MMS22L: variants seen among roughly 807,000 people sequenced by gnomAD.
MMS22L encodes MMS22 like, DNA repair protein.
MMS22L carries 74 observed loss-of-function variants against 159.1 expected under a neutral mutation model. The observed-to-expected ratio is 0.47, with a 90% CI of 0.39 to 0.56. The LOEUF (loss-of-function observed/expected upper bound fraction) is 0.56. Ranked by LOEUF, MMS22L falls within the 20% of genes least tolerant of loss-of-function variation. The probability of loss-of-function intolerance (pLI) is 0.00; values close to 1 mark genes in which losing one functional copy is unlikely to be tolerated. For missense variants in MMS22L, 1,351 were observed against 1,422.1 expected (o/e 0.95, Z 0.80); for synonymous variants, 517 against 506.9 (o/e 1.02, Z -0.27).
At chr6:97,236,200 G>A (rs1184331198) in intron 11 of MMS22L, among the ~76,000 whole-genome samples, 2 of 151,642 alleles carry the variant, frequency 1.3e-5, no homozygotes, top group Non-Finnish European at 2.9e-5. Context: ...GAGATGGCAG[G>A]CACCTATAAT....
chr6:97,165,333 C>T lies in MMS22L; in HGVS notation c.3134G>A (p.Gly1045Glu). ...CAATGCCAGCAAAACAGGATGTTGT[C>T]CAAGATCTGAAACATATGGTGAAGC... The part of the protein sequence containing the change: ...LPASPYVSDL[G>E]QHPVLLALRN... Residue 1045 changes from glycine (G) to glutamate (E), a missense_variant, in exon 21 of 25, where the codon GGA becomes GAA. Gly to Glu is a moderately conservative substitution (Grantham distance 98, BLOSUM62 -2). Coordinates refer to ENST00000683635, the MANE Select transcript of MMS22L (RefSeq NM_001350599.2). 2 of 1,613,282 alleles carry T rather than the reference C, an allele frequency of 1.2e-6. No individual in the cohort carries two copies. Among genetic ancestry groups the T allele is most frequent in the Non-Finnish European group, 1.7e-6 (2 of 1,179,600 alleles).
chr6:97,195,913 G>A (rs1399337498), intron 14 of MMS22L, among the ~76,000 whole-genome samples: 1 of 152,170 alleles, frequency 6.6e-6, no homozygotes, highest in African/African-American at 2.4e-5. Flanking sequence ...CATTTTGTGA[G>A]GGAAAGGAAG....
intron 14 of MMS22L, among the ~76,000 whole-genome samples, chr6:97,218,547 A>C (rs1809275419): frequency 6.6e-6 from 1 of 152,174 alleles, no homozygotes; most frequent in Admixed American, 6.5e-5. Flanking sequence ...AGTGCCTACT[A>C]TCATAGTAGG....
chr6:97,277,949 G>A (rs1484797072), intron 4 of MMS22L, among the ~76,000 whole-genome samples: 3 of 152,104 alleles, frequency 2.0e-5, no homozygotes, highest in African/African-American at 4.8e-5. Context: ...CACTTAACAC[G>A]CTCAACAAAG....
chr6:97,210,426 T>C (rs1054423133), intron 14 of MMS22L, among the ~76,000 whole-genome samples: 4 of 151,830 alleles, frequency 2.6e-5, no homozygotes, highest in African/African-American at 9.7e-5. Context: ...ATAAATGCCA[T>C]AAAAAACAGT....
At chr6:97,192,673 A>C (rs1167996888) in intron 14 of MMS22L, among the ~76,000 whole-genome samples, 2 of 152,242 alleles carry the variant, frequency 1.3e-5, no homozygotes, top group East Asian at 3.8e-4. Context: ...TATTTTGCCA[A>C]TTAGCAGTTG....
chr6:97,151,713 G>A lies in MMS22L; in HGVS notation c.3482+58C>T, dbSNP rs1801334343. On this transcript the variant is annotated intron_variant, in intron 23 of 24. Coordinates refer to ENST00000683635, the MANE Select transcript of MMS22L (RefSeq NM_001350599.2). ...GGATAATTAGTTATTTAAAAAACAT[G>A]TTGGCTGTCAAATGGCTGGCAATAG... is the stretch of plus-strand genomic sequence containing the variant. 5 of 1,294,426 alleles carry A rather than the reference G, an allele frequency of 3.9e-6. No homozygotes were observed. In the African/African-American group the frequency reaches 5.9e-5, roughly 15 times the overall value. The allele number at this position is 1,294,426 out of a possible 1,614,324, so 80.2% of individuals were successfully genotyped here.
At chr6:97,253,276 A>G (rs1002252139) in intron 10 of MMS22L, among the ~76,000 whole-genome samples, 7 of 151,724 alleles carry the variant, frequency 4.6e-5, no homozygotes, top group African/African-American at 1.5e-4. Flanking sequence ...TCCATGGATG[A>G]CTTCTCAAAG....
At chr6:97,218,290 A>G (rs1405621348) in intron 14 of MMS22L, among the ~76,000 whole-genome samples, 2 of 152,200 alleles carry the variant, frequency 1.3e-5, no homozygotes, top group East Asian at 1.9e-4. Flanking sequence ...CATTAAATCC[A>G]TATCCTGACT....
At chr6:97,161,430 T>C (rs1802423696) in intron 22 of MMS22L, among the ~76,000 whole-genome samples, 1 of 152,056 alleles carries the variant, frequency 6.6e-6, no homozygotes, top group South Asian at 2.1e-4. Context: ...TTGAGGTCAG[T>C]GCTTGAGATT....
intron 20 of MMS22L, among the ~76,000 whole-genome samples, chr6:97,167,245 G>A (rs987189296): frequency 4.6e-5 from 7 of 152,030 alleles, no homozygotes; most frequent in African/African-American, 1.7e-4. Flanking sequence ...TTAGTAAGTA[G>A]AACTACTATC....
chr6:97,149,066 A>G (rs534789608), intron 24 of MMS22L, among the ~76,000 whole-genome samples: 2 of 152,336 alleles, frequency 1.3e-5, no homozygotes, highest in South Asian at 4.1e-4. Context: ...TAGGAGCAAT[A>G]GGCCACACCA....
At chr6:97,258,720 A>G (rs1040119633) in intron 9 of MMS22L, 2 of 152,224 alleles carry the variant, frequency 1.3e-5, no homozygotes, top group Non-Finnish European at 2.9e-5. Context: ...TAATAGATTT[A>G]AAATTGCTAA....
At position 97,233,952 on chromosome 6, in the gene MMS22L, A is replaced by T; in HGVS notation, c.1211T>A (p.Met404Lys). ...QGVILEEQLR[M>K]YLHCCLTLCD... The stretch of plus-strand genomic sequence containing the variant: ...AAGTGTCAAACAACAGTGAAGATAC[A>T]TTCGTAATTGTTCTTCTAGAATGAC... The change falls in exon 12 of 25, where the codon ATG becomes AAG. Residue 404 changes from methionine (M) to lysine (K), a missense_variant. Transcript: ENST00000683635. 1 of 1,610,054 alleles carries T rather than the reference A, an allele frequency of 6.2e-7. No individual in the cohort carries two copies. The highest frequency in any genetic ancestry group is 1.3e-5 in the African/African-American group (1 of 74,886).
At chr6:97,172,956 T>G in intron 19 of MMS22L, 107 bp downstream of exon 19, 2 of 1,036,214 alleles carry the variant, frequency 1.9e-6, no homozygotes, top group Non-Finnish European at 2.8e-6. Context: ...ATTACTCTTA[T>G]GATTGTATGG....
At position 97,168,245 on chromosome 6, in the gene MMS22L, C is replaced by T. The variant is rs368154455; in HGVS notation, c.2840-5G>A. On this transcript the variant is annotated splice_polypyrimidine_tract_variant and splice_region_variant and intron_variant, in intron 19 of 24. Transcript: ENST00000683635. Reference sequence around the variant, plus strand: ...CCCATGATTTCACAAGAATTCCTAACAAAGAAGAGAAGTAACAGCATGTTG... The same window carrying T: ...CCCATGATTTCACAAGAATTCCTAATAAAGAAGAGAAGTAACAGCATGTTG... 6.2e-7 allele frequency: 1 copy of T among 1,611,592 alleles called. No individual in the cohort carries two copies.
At chr6:97,274,142 C>T (rs1264083884) in intron 4 of MMS22L, among the ~76,000 whole-genome samples, 1 of 151,952 alleles carries the variant, frequency 6.6e-6, no homozygotes, top group East Asian at 1.9e-4. Context: ...GAGTAAGAGA[C>T]AATCTAGTAA....
upstream of MMS22L, among the ~76,000 whole-genome samples, chr6:97,283,969 A>G (rs1429215936): frequency 6.6e-6 from 1 of 152,220 alleles, no homozygotes; most frequent in East Asian, 1.9e-4. Context: ...ATCACAGGAA[A>G]ATTAGAAAAT....
At chr6:97,216,296 G>T (rs181917346) in intron 14 of MMS22L, among the ~76,000 whole-genome samples, 6 of 151,932 alleles carry the variant, frequency 3.9e-5, no homozygotes, top group East Asian at 3.9e-4. Context: ...TGCCTTCTGA[G>T]GTTTTATTAA....
Sources: gnomAD v4.1 joint callset for allele counts (sites outside exome capture counted in the v4.1 genomes callset) on GRCh38, gnomAD v4.1.1 for gene constraint, MANE v1.5 for transcripts, NCBI Gene and HGNC (gene_info 2026-07-23, HGNC 2026-07-21) for gene names.